SHANK2: variants seen among roughly 807,000 people sequenced by gnomAD.
SHANK2 encodes the protein SH3 and multiple ankyrin repeat domains protein 2.
A neutral mutation model predicts 133.7 loss-of-function variants in SHANK2; 43 were observed. The observed-to-expected ratio is 0.32, with a 90% CI of 0.25 to 0.41. SHANK2 has a LOEUF of 0.41. Ranked by LOEUF, SHANK2 falls within the 10% of genes least tolerant of loss-of-function variation. The pLI, the probability that SHANK2 is intolerant of heterozygous loss-of-function variation, is 1.00. For missense variants in SHANK2, 1,994 were observed against 2,235.8 expected (o/e 0.89, Z 2.18); for synonymous variants, 1,017 against 952.8 (o/e 1.07, Z -1.24).
At chr11:71,146,698 A>G (rs1952654897) in intron 3 of SHANK2, among the ~76,000 whole-genome samples, 1 of 152,208 alleles carries the variant, frequency 6.6e-6, no homozygotes, top group Admixed American at 6.5e-5. Flanking sequence ...CTGGCACAGC[A>G]GAGTCCGGCA....
At chr11:70,622,553 G>A (rs1016864096) in intron 17 of SHANK2, among the ~76,000 whole-genome samples, 11 of 152,188 alleles carry the variant, frequency 7.2e-5, no homozygotes, top group East Asian at 1.9e-4. Context: ...CATCCGTTCC[G>A]GGGCCCTCCC....
intron 14 of SHANK2, among the ~76,000 whole-genome samples, chr11:70,733,773 G>C (rs948505577): frequency 1.3e-5 from 2 of 152,218 alleles, no homozygotes; most frequent in Non-Finnish European, 2.9e-5. Context: ...GGGCCTGGCA[G>C]GTCTGGGGAA....
chr11:70,599,889 A>AAGAAAGAAAGAAAGAAAGAAAG (rs376412663), intron 17 of SHANK2, among the ~76,000 whole-genome samples: 16 of 73,524 alleles, frequency 2.2e-4, no homozygotes, highest in Admixed American at 1.1e-3. Context: ...GAAAGAAAGA[A>AAGAAAGAAAGAAAGAAAGAAAG]AAAGAAAGAA....
chr11:71,234,909 A>G (rs930093328), intron 1 of SHANK2, among the ~76,000 whole-genome samples: 3 of 152,180 alleles, frequency 2.0e-5, no homozygotes, highest in African/African-American at 7.2e-5. Context: ...CACATTTTAC[A>G]ACAGCCAAAA....
chr11:70,552,695 G>C (rs972463546), intron 17 of SHANK2, among the ~76,000 whole-genome samples: 2 of 152,316 alleles, frequency 1.3e-5, no homozygotes, highest in East Asian at 3.9e-4. Flanking sequence ...CCGTGGCGCA[G>C]GGGGCCAGTG....
intron 3 of SHANK2, among the ~76,000 whole-genome samples, chr11:71,130,754 G>C (rs372886672): frequency 1.8e-4 from 27 of 152,242 alleles, no homozygotes; most frequent in African/African-American, 5.3e-4. Flanking sequence ...AGAGAACAAG[G>C]GGGAGGAAAT....
chr11:70,798,362 T>G, intron 14 of SHANK2, 81 bp downstream of exon 14: 1 of 703,106 alleles, frequency 1.4e-6, no homozygotes, highest in East Asian at 2.7e-5. Flanking sequence ...AACGGCCGAA[T>G]CTTGCCACGG....
intron 11 of SHANK2, among the ~76,000 whole-genome samples, chr11:70,868,702 C>T (rs535974786): frequency 6.6e-6 from 1 of 152,354 alleles, no homozygotes; most frequent in East Asian, 1.9e-4. Flanking sequence ...GGAGCACAGT[C>T]ACTGGAGCTG....
At chr11:71,058,251 A>T (rs1950945625) in intron 9 of SHANK2, among the ~76,000 whole-genome samples, 1 of 152,166 alleles carries the variant, frequency 6.6e-6, no homozygotes, top group Non-Finnish European at 1.5e-5. Flanking sequence ...TTGGGCAGCT[A>T]CCATTTGCCC....
chr11:71,251,926 C>A (rs1948188662), intron 1 of SHANK2, among the ~76,000 whole-genome samples: 1 of 151,950 alleles, frequency 6.6e-6, no homozygotes, highest in South Asian at 2.1e-4. Flanking sequence ...TCTCCGCCCC[C>A]GCGCGCCACC....
chr11:70,505,013 C>G (rs1451269854), intron 17 of SHANK2, among the ~76,000 whole-genome samples: 3 of 152,160 alleles, frequency 2.0e-5, no homozygotes, highest in Non-Finnish European at 2.9e-5. Context: ...TCTCTGCCTC[C>G]ATCTGTGGGA....
At chr11:70,770,306 A>G (rs1947219107) in intron 14 of SHANK2, among the ~76,000 whole-genome samples, 1 of 152,192 alleles carries the variant, frequency 6.6e-6, no homozygotes, top group Admixed American at 6.5e-5. Context: ...GGAATCTTGT[A>G]TACACAGCAG....
chr11:70,663,851 G>A (rs1391518710), intron 15 of SHANK2, among the ~76,000 whole-genome samples: 1 of 152,216 alleles, frequency 6.6e-6, no homozygotes, highest in African/African-American at 2.4e-5. Context: ...GCCTGGGGGT[G>A]AGGTCACATG....
chr11:71,167,407 C>T (rs1486418246), intron 2 of SHANK2, among the ~76,000 whole-genome samples: 5 of 145,342 alleles, frequency 3.4e-5, no homozygotes, highest in African/African-American at 1.0e-4. Context: ...GCTGGCCGGG[C>T]GGGGGGCTGA....
chr11:70,473,436 G>T lies in SHANK2; in HGVS notation c.4983C>A (p.Ser1661Arg). 1 of 1,602,476 alleles carries T rather than the reference G, an allele frequency of 6.2e-7. No individual in the cohort carries two copies. The highest frequency in any genetic ancestry group is 8.5e-7 in the Non-Finnish European group (1 of 1,179,872). ...CTGAGATGGTGCTCATGATCTCCGG[G>T]CTTCTGAAACAGCAACACAGAGAAA... ...GAKSASLAPR[S>R]PEIMSTISGT... is the part of the protein sequence containing the mutation. The change falls in exon 26 of 26, where the codon AGC becomes AGA. Residue 1661 changes from serine (S) to arginine (R), a missense_variant. This residue lies in a region of SHANK2 where 797 missense variants were observed against 907.4 expected (regional missense o/e 0.88). Coordinates refer to ENST00000601538, the MANE Select transcript of SHANK2 (RefSeq NM_012309.5). The surrounding 1 kb of genome is among the most constrained non-coding windows in gnomAD (Gnocchi z 5.9).
rs1946774830 is a variant in SHANK2, at chr11:70,752,591, A to G, written c.1777+45852T>C. ...CGAAGTGGCGGGCGCCTGTAGTCCC[A>G]GCTACTCGGGAGGCTGAGGCAGGAG... On this transcript the variant is annotated intron_variant, in intron 14 of 25. Transcript: ENST00000601538. Among the ~76,000 whole-genome samples the G allele has an allele frequency of 4.0e-5, 6 of 151,666 alleles. No homozygotes were observed. In the South Asian group the frequency reaches 1.0e-3, roughly 26 times the overall value.
intron 17 of SHANK2, among the ~76,000 whole-genome samples, chr11:70,643,920 G>A (rs74554279): frequency 5.3e-5 from 8 of 151,848 alleles, no homozygotes; most frequent in Middle Eastern, 3.4e-3. Flanking sequence ...CAGGTGGAGG[G>A]GGGGGAGGAA....
chr11:70,523,013 G>A (rs1402172211), intron 17 of SHANK2, among the ~76,000 whole-genome samples: 4 of 152,182 alleles, frequency 2.6e-5, no homozygotes, highest in Non-Finnish European at 5.9e-5. Context: ...ACAGTGCCAC[G>A]AGGTCTCCGG....
At chr11:70,667,659 T>A (rs1197319039) in intron 15 of SHANK2, among the ~76,000 whole-genome samples, 1 of 152,170 alleles carries the variant, frequency 6.6e-6, no homozygotes, top group Non-Finnish European at 1.5e-5. Flanking sequence ...GATCTGTCAG[T>A]CACTTTAACA....
Sources: gnomAD v4.1 joint callset for allele counts (sites outside exome capture counted in the v4.1 genomes callset) on GRCh38, gnomAD v4.1.1 for gene constraint, gnomAD v4.1.1 regional missense constraint, Gnocchi (gnomAD v3.1) non-coding constraint, MANE v1.5 for transcripts, NCBI Gene and HGNC (gene_info 2026-07-23, HGNC 2026-07-21) for gene names.